Variants in SIPA1L3 observed in about 807,000 individuals in gnomAD.
SIPA1L3 encodes signal induced proliferation associated 1 like 3.
A neutral mutation model predicts 150.1 loss-of-function variants in SIPA1L3; 59 were observed. The ratio of observed to expected loss-of-function variants is 0.39; its 90% CI spans 0.32 to 0.49. The LOEUF is 0.49. Among genes scored for constraint, SIPA1L3 ranks in the 20% least tolerant of loss-of-function variants. The pLI is 0.86. For synonymous variants in SIPA1L3, 1,070 were observed against 1,077.6 expected (o/e 0.99, Z 0.14); for missense variants, 2,211 against 2,489.5 (o/e 0.89, Z 2.38).
At chr19:38,020,297 A>G (rs1011284245) in intron 1 of SIPA1L3, among the ~76,000 whole-genome samples, 5 of 152,112 alleles carry the variant, frequency 3.3e-5, no homozygotes, top group African/African-American at 1.2e-4. Context: ...CACTGTTAGT[A>G]ATTTTTTTTT....
rs201920570 is a variant in SIPA1L3 at position 38,192,175 on chromosome 19, T to C, written c.4461T>C (p.Phe1487=). The C allele has an allele frequency of 5.6e-4, 907 of 1,611,196 alleles. 1 individual carries two copies. The highest frequency in any genetic ancestry group is 6.9e-4 in the Non-Finnish European group (810 of 1,178,958). Residue 1487 remains phenylalanine, a synonymous_variant, in exon 17 of 22, where the codon TTT becomes TTC. Coordinates refer to ENST00000222345, the MANE Select transcript of SIPA1L3 (RefSeq NM_015073.3). ...TGGACACGAACACCAAAAATGTCTT[T>C]GGGCAACCGAGGTTGAGGGCATCCC... The part of the protein sequence containing the change: ...KQVDTNTKNV[F]GQPRLRASLR...
intron 9 of SIPA1L3, among the ~76,000 whole-genome samples, chr19:38,124,016 C>A (rs1235584011): frequency 2.7e-5 from 4 of 149,848 alleles, no homozygotes; most frequent in Non-Finnish European, 5.9e-5. Flanking sequence ...GATGGCCGGG[C>A]AGAGGGGCTC....
intron 1 of SIPA1L3, among the ~76,000 whole-genome samples, chr19:37,963,320 A>G (rs2046875955): frequency 6.6e-6 from 1 of 152,200 alleles, no homozygotes; most frequent in East Asian, 1.9e-4. Flanking sequence ...GTATATATGC[A>G]CATTGTTCCA....
intron 15 of SIPA1L3, among the ~76,000 whole-genome samples, chr19:38,178,713 T>C (rs1200477030): frequency 6.6e-6 from 1 of 152,102 alleles, no homozygotes; most frequent in Non-Finnish European, 1.5e-5. Context: ...CCTGACCTCA[T>C]GATCTGCCCG....
Position 38,081,864 on chromosome 19 carries a change from GC to G in SIPA1L3, c.303del (p.Ser102ProfsTer16). On this transcript the variant is annotated frameshift_variant, in exon 3 of 22. Coordinates refer to ENST00000222345, the MANE Select transcript of SIPA1L3 (RefSeq NM_015073.3). LOFTEE classifies it high-confidence loss of function. ...REALREHSNP[S>X]PSQDTDGTKA... ...GCCCTGAGAGAGCACAGCAACCCAAGCCCCTCCCAGGACACAGATGGCACAA... is the reference window on the plus strand; with the variant it reads ...GCCCTGAGAGAGCACAGCAACCCAAGCCCTCCCAGGACACAGATGGCACAA... 6.2e-7 allele frequency: 1 copy of G among 1,614,082 alleles called. No homozygotes were observed. Among genetic ancestry groups the G allele is most frequent in the Non-Finnish European group, 8.5e-7 (1 of 1,179,968 alleles).
At chr19:37,978,504 G>GA (rs1967127357) in intron 1 of SIPA1L3, among the ~76,000 whole-genome samples, 1 of 152,188 alleles carries the variant, frequency 6.6e-6, no homozygotes, top group South Asian at 2.1e-4. Flanking sequence ...CTCAGAGAGG[G>GA]AAAATAACTT....
chr19:38,097,927 C>T (rs565184331), intron 4 of SIPA1L3, among the ~76,000 whole-genome samples: 14 of 152,324 alleles, frequency 9.2e-5, no homozygotes, highest in Admixed American at 2.0e-4. Flanking sequence ...AAACAAACCA[C>T]GAGCTTCGGA....
chr19:37,964,191 G>A (rs2046882831), intron 1 of SIPA1L3: 2 of 152,100 alleles, frequency 1.3e-5, no homozygotes, highest in African/African-American at 4.8e-5. Context: ...GTGGAGACAG[G>A]ATGGAGTTTG....
At position 38,164,498 on chromosome 19, in the gene SIPA1L3, G is replaced by T; in HGVS notation, c.3800G>T (p.Ser1267Ile). 1 of 1,611,940 alleles carries T rather than the reference G, an allele frequency of 6.2e-7. No individual in the cohort carries two copies. The highest frequency in any genetic ancestry group is 8.5e-7 in the Non-Finnish European group (1 of 1,178,446). Reference sequence around the variant, plus strand: ...TCTCAGGGAGAACCTCAATACTCAAGTCATTCCAGCAGCAACACCCTCTCC... The same window carrying T: ...TCTCAGGGAGAACCTCAATACTCAATTCATTCCAGCAGCAACACCCTCTCC... ...RHSKGEPQYS[S>I]HSSSNTLSSN... Residue 1267 changes from serine (S) to isoleucine (I), a missense_variant, in exon 15 of 22, where the codon AGT (serine) becomes ATT (isoleucine). Ser to Ile is a moderately radical substitution (Grantham distance 142). Around this residue, in one of 5 missense-constraint regions of SIPA1L3, gnomAD observed 806 missense variants for 870.1 expected, o/e 0.93. Coordinates refer to ENST00000222345, the MANE Select transcript of SIPA1L3 (RefSeq NM_015073.3). The surrounding 1 kb of genome is among the most constrained non-coding windows in gnomAD (Gnocchi z 4.1).
intron 15 of SIPA1L3, among the ~76,000 whole-genome samples, chr19:38,179,023 C>T (rs1428978168): frequency 6.6e-6 from 1 of 152,226 alleles, no homozygotes; most frequent in Non-Finnish European, 1.5e-5. Context: ...AGACCATTCA[C>T]GTTAAATGTA....
At chr19:38,176,516 C>T (rs576769587) in intron 15 of SIPA1L3, among the ~76,000 whole-genome samples, 12 of 152,174 alleles carry the variant, frequency 7.9e-5, no homozygotes, top group South Asian at 6.2e-4. Context: ...CCCACCTCAG[C>T]GTCCCAAGTA....
At chr19:37,941,250 C>A (rs2046654778) in intron 1 of SIPA1L3, among the ~76,000 whole-genome samples, 1 of 152,104 alleles carries the variant, frequency 6.6e-6, no homozygotes, top group African/African-American at 2.4e-5. Flanking sequence ...TGCTCAGAGC[C>A]ATTATTTCAT....
At chr19:38,134,699 T>C (rs1240825080) in intron 10 of SIPA1L3, among the ~76,000 whole-genome samples, 44 of 106,196 alleles carry the variant, frequency 4.1e-4, no homozygotes, top group African/African-American at 1.8e-3. Flanking sequence ...AGCGAGACTC[T>C]GTTTCAGGAA....
At chr19:38,018,313 A>G (rs1051368485) in intron 1 of SIPA1L3, among the ~76,000 whole-genome samples, 3 of 151,578 alleles carry the variant, frequency 2.0e-5, no homozygotes, top group Admixed American at 6.6e-5. Context: ...ACAAGCGCGC[A>G]CCATCACGCC....
chr19:38,036,557 ACT>A (rs1968795525), intron 2 of SIPA1L3, among the ~76,000 whole-genome samples: 1 of 152,042 alleles, frequency 6.6e-6, no homozygotes, highest in African/African-American at 2.4e-5. Context: ...CTGTTCTTTC[ACT>A]GAGTTCCGTG....
chr19:38,194,670 T>C (rs907928126), intron 18 of SIPA1L3, among the ~76,000 whole-genome samples: 3 of 152,160 alleles, frequency 2.0e-5, no homozygotes, highest in Non-Finnish European at 4.4e-5. Context: ...GCCTGTGCCA[T>C]CTGTACAGAG....
At chr19:38,068,265 G>A (rs947178953) in intron 2 of SIPA1L3, among the ~76,000 whole-genome samples, 1 of 151,954 alleles carries the variant, frequency 6.6e-6, no homozygotes, top group Admixed American at 6.6e-5. Context: ...TCCTGACCTC[G>A]TGATCTGCCC....
At chr19:37,911,245 A>ATGTG (rs927881407) in intron 1 of SIPA1L3, among the ~76,000 whole-genome samples, 5 of 94,132 alleles carry the variant, frequency 5.3e-5, no homozygotes, top group African/African-American at 3.2e-4. Flanking sequence ...GTTTGTATGT[A>ATGTG]TGTGCGTGTG....
At chr19:38,016,587 G>A (rs1415417942) in intron 1 of SIPA1L3, among the ~76,000 whole-genome samples, 1 of 152,126 alleles carries the variant, frequency 6.6e-6, no homozygotes, top group Non-Finnish European at 1.5e-5. Context: ...CTGCCTCCCA[G>A]AGTCAAGCAA....
Sources: gnomAD v4.1 joint callset for allele counts (sites outside exome capture counted in the v4.1 genomes callset) on GRCh38, gnomAD v4.1.1 for gene constraint, gnomAD v4.1.1 regional missense constraint, Gnocchi (gnomAD v3.1) non-coding constraint, MANE v1.5 for transcripts, NCBI Gene and HGNC (gene_info 2026-07-23, HGNC 2026-07-21) for gene names.